The following PDK2 variants were observed in gnomAD, a reference collection of about 807,000 sequenced individuals.
PDK2 encodes the protein pyruvate dehydrogenase kinase, isozyme 2.
A neutral mutation model predicts 50.4 loss-of-function variants in PDK2; 34 were observed. That is an observed-to-expected ratio of 0.68 (90% CI 0.51 to 0.90). The LOEUF (loss-of-function observed/expected upper bound fraction) is 0.90. PDK2 is among the 40% of genes least tolerant of loss of function. The pLI is 0.00. For missense variants in PDK2, 377 were observed against 544.5 expected (o/e 0.69, Z 3.06); for synonymous variants, 232 against 216.0 (o/e 1.07, Z -0.65).
chr17:50,106,121 G>A (rs760249636), intron 4 of PDK2, 52 bp downstream of exon 4: 173 of 1,551,992 alleles, frequency 1.1e-4, no homozygotes, highest in Non-Finnish European at 1.5e-4. Flanking sequence ...GGCGGTGCTG[G>A]GGCCCAGGGC....
rs182475108 is a variant in PDK2 at position 50,102,479 on chromosome 17, G to A, written c.261-2892G>A. On this transcript the variant is annotated intron_variant, in intron 2 of 10. Transcript: ENST00000503176. ...CCACTGCCCAGCACAGTCAGGAAGT[G>A]GCTTAGCCTCCCAGCTCCCACCCGC... Among the ~76,000 whole-genome samples, 11 of 152,106 alleles carry A rather than the reference G, an allele frequency of 7.2e-5. No homozygotes were observed. The East Asian group carries it at 9.7e-4, about 13-fold the overall frequency.
rs1910844779 is a variant in PDK2 at position 50,111,528 on chromosome 17, AGGG to A, written c.*1432_*1434del. ...CAGCACAGATAGCAGAGGGGGGATA[AGGG>A]CTGAGTCCCAGGTACAGGGTGCTGG... On this transcript the variant is annotated 3_prime_UTR_variant, in exon 11 of 11. Coordinates refer to ENST00000503176, the MANE Select transcript of PDK2 (RefSeq NM_002611.5). 6.6e-6 allele frequency: 1 copy of A among 152,218 alleles called. No individual in the cohort carries two copies. Among genetic ancestry groups the A allele is most frequent in the East Asian group, 1.9e-4 (1 of 5,182 alleles). The allele number at this position is 152,218 out of a possible 1,614,324, so 9.4% of individuals were successfully genotyped here. A position where few individuals can be genotyped will look rare whatever the true frequency, so the allele number is the denominator to read the frequency against.
intron 2 of PDK2, among the ~76,000 whole-genome samples, chr17:50,100,500 AGT>A (rs1444128507): frequency 1.3e-5 from 2 of 152,216 alleles, no homozygotes; most frequent in African/African-American, 4.8e-5. Context: ...AGATGTGAAA[AGT>A]GTGCAGAACT....
chr17:50,110,110 A>T lies in PDK2; in HGVS notation c.*13A>T. The T allele has an allele frequency of 6.3e-7, 1 of 1,587,792 alleles. No individual in the cohort carries two copies. The highest frequency in any genetic ancestry group is 1.1e-5 in the South Asian group (1 of 88,434). On this transcript the variant is annotated 3_prime_UTR_variant, in exon 11 of 11. Transcript: ENST00000503176. ...CCGCGTCAGCTAAGGGCCGCCGTGC[A>T]TCTGCACCTGAGAGGACGGACTGCC...
chr17:50,097,684 C>T, intron 2 of PDK2, 120 bp downstream of exon 2: 2 of 1,219,198 alleles, frequency 1.6e-6, no homozygotes, highest in Admixed American at 2.1e-5. Context: ...ACAGGAGACA[C>T]CAAAGCCCCA....
At chr17:50,098,905 G>C (rs990717494) in intron 2 of PDK2, 1 of 152,264 alleles carries the variant, frequency 6.6e-6, no homozygotes, top group Admixed American at 6.5e-5. Flanking sequence ...GGAAGGGAAG[G>C]GCATTCCAGG....
chr17:50,108,312 T>G lies in PDK2; in HGVS notation c.763-7T>G, dbSNP rs750676740. ...CCCATGCATCTCTTACCTCTGCCCCTCCGCAGAATGCCATGAGGGCGACTG... is the reference window on the plus strand; with the variant it reads ...CCCATGCATCTCTTACCTCTGCCCCGCCGCAGAATGCCATGAGGGCGACTG... On this transcript the variant is annotated splice_polypyrimidine_tract_variant and splice_region_variant and intron_variant, in intron 7 of 10. Transcript: ENST00000503176. 2.5e-6 allele frequency: 4 copies of G among 1,613,030 alleles called. No individual in the cohort carries two copies. The East Asian group carries it at 8.9e-5, about 36-fold the overall frequency.
Position 50,109,362 on chromosome 17 carries a change from A to G in PDK2, c.1045A>G (p.Met349Val), listed in dbSNP as rs1910699520. The change falls in exon 10 of 11, where the codon ATG (methionine) becomes GTG (valine). Residue 349 changes from methionine to valine, a missense_variant. Physicochemically the swap from Met to Val is conservative, Grantham distance 21. Around this residue, in one of 3 missense-constraint regions of PDK2, gnomAD observed 214 missense variants for 294.0 expected, o/e 0.73. Coordinates refer to ENST00000503176, the MANE Select transcript of PDK2 (RefSeq NM_002611.5). This position sits in a 1 kb window ranked among gnomAD's most constrained non-coding sequence, Gnocchi z 5.0. The stretch of plus-strand genomic sequence containing the variant: ...CCAGGGAGACCTGCAGCTCTTCTCC[A>G]TGGAAGGCTTTGGGACCGATGCTGT... ...YFQGDLQLFS[M>V]EGFGTDAVIY... 2.5e-6 allele frequency: 4 copies of G among 1,613,466 alleles called. No homozygotes were observed. The highest frequency in any genetic ancestry group is 1.1e-5 in the South Asian group (1 of 91,030).
intron 2 of PDK2, among the ~76,000 whole-genome samples, chr17:50,103,854 TG>T (rs1260391213): frequency 6.6e-6 from 1 of 152,114 alleles, no homozygotes; most frequent in East Asian, 1.9e-4. Context: ...TTACTAGCTA[TG>T]GGGCTGCTTA....
chr17:50,109,280 G>A lies in PDK2; in HGVS notation c.970-7G>A, dbSNP rs201297813. On this transcript the variant is annotated splice_polypyrimidine_tract_variant and splice_region_variant and intron_variant, in intron 9 of 10. Transcript: ENST00000503176. The surrounding 1 kb of genome is among the most constrained non-coding windows in gnomAD (Gnocchi z 5.0). ...CTCATCCTCACTGCCTTCCTGCCCC[G>A]CTGCAGGCTGGCTTTGGTTATGGGC... 7.4e-5 allele frequency: 118 copies of A among 1,600,858 alleles called. 1 individual carries two copies. In the Admixed American group the frequency reaches 1.1e-3, roughly 15 times the overall value.
upstream of PDK2, chr17:50,094,809 T>C (rs187252027): frequency 3.8e-3 from 573 of 152,564 alleles, 1 homozygote; most frequent in Non-Finnish European, 5.1e-3. Flanking sequence ...CGTATAGGCT[T>C]GCACCCTGGT....
intron 2 of PDK2, among the ~76,000 whole-genome samples, chr17:50,104,966 T>C (rs1026676242): frequency 6.6e-6 from 1 of 152,290 alleles, no homozygotes; most frequent in African/African-American, 2.4e-5. Flanking sequence ...AGGAGCTGTT[T>C]CCACACTGGG....
chr17:50,110,110 A>G lies in PDK2; in HGVS notation c.*13A>G. The G allele has an allele frequency of 1.9e-6, 3 of 1,587,792 alleles. No homozygotes were observed. The highest frequency in any genetic ancestry group is 1.1e-5 in the South Asian group (1 of 88,434). On this transcript the variant is annotated 3_prime_UTR_variant, in exon 11 of 11. Transcript: ENST00000503176. ...CCGCGTCAGCTAAGGGCCGCCGTGC[A>G]TCTGCACCTGAGAGGACGGACTGCC... is the stretch of plus-strand genomic sequence containing the variant.
In PDK2 at chr17:50,105,649, C is replaced by T. The variant is rs546121252; in HGVS notation, c.332+207C>T. Reference sequence around the variant, plus strand: ...GACTCCATTCTCACTGTTCCCTGAGCCCGGTGGGCAAGACCCAGGCCCTGC... The same window carrying T: ...GACTCCATTCTCACTGTTCCCTGAGTCCGGTGGGCAAGACCCAGGCCCTGC... On this transcript the variant is annotated intron_variant, in intron 3 of 10. Coordinates refer to ENST00000503176, the MANE Select transcript of PDK2 (RefSeq NM_002611.5). 5.9e-5 allele frequency among the ~76,000 whole-genome samples: 9 copies of T among 152,308 alleles called. No individual in the cohort carries two copies. The South Asian group carries it at 1.9e-3, about 32-fold the overall frequency.
chr17:50,099,954 C>T (rs1351978014), intron 2 of PDK2, among the ~76,000 whole-genome samples: 2 of 152,194 alleles, frequency 1.3e-5, no homozygotes, highest in Non-Finnish European at 2.9e-5. Context: ...AAGGACTTCC[C>T]GACAGGGTTG....
intron 5 of PDK2, 78 bp downstream of exon 5, chr17:50,106,961 C>T (rs778589580): frequency 3.9e-5 from 57 of 1,473,866 alleles, no homozygotes; most frequent in Non-Finnish European, 4.8e-5. Flanking sequence ...GAGGGTGACT[C>T]GTTCCTCAGT....
Position 50,109,832 on chromosome 17 carries a change from CT to C in PDK2, c.1084-121del. On this transcript the variant is annotated intron_variant, in intron 10 of 10. Transcript: ENST00000503176. This position sits in a 1 kb window ranked among gnomAD's most constrained non-coding sequence, Gnocchi z 5.0. ...GGAGCGGGACACAGGAGGGACCACC[CT>C]TTTGTGGTCTTTCCAGGCCCCCGTG... is the stretch of plus-strand genomic sequence containing the variant. 9.2e-7 allele frequency: 1 copy of C among 1,081,216 alleles called. No homozygotes were observed. Among genetic ancestry groups the C allele is most frequent in the Non-Finnish European group, 1.3e-6 (1 of 778,078 alleles). 67.0% of individuals were successfully genotyped at this position (1,081,216 alleles called of 1,614,324 possible).
chr17:50,107,220 G>T, intron 6 of PDK2, 67 bp downstream of exon 6: 1 of 1,215,424 alleles, frequency 8.2e-7, no homozygotes, highest in South Asian at 1.2e-5. Context: ...AGGTGAGACG[G>T]GGAGTCAGGA....
Position 50,106,107 on chromosome 17 carries a change from G to T in PDK2, c.517+38G>T, listed in dbSNP as rs11237. ...CACAGCGGCGGGGAGCGGGCGGTGG[G>T]GGGGGCGGTGCTGGGGCCCAGGGCC... On this transcript the variant is annotated intron_variant, in intron 4 of 10. Transcript: ENST00000503176. 0.042 allele frequency: 65,268 copies of T among 1,559,372 alleles called. 1,622 individuals are homozygous for T. The highest frequency in any genetic ancestry group is 0.098 in the African/African-American group (7,214 of 73,868).
Sources: gnomAD v4.1 joint callset for allele counts (sites outside exome capture counted in the v4.1 genomes callset) on GRCh38, gnomAD v4.1.1 for gene constraint, gnomAD v4.1.1 regional missense constraint, Gnocchi (gnomAD v3.1) non-coding constraint, MANE v1.5 for transcripts, NCBI Gene and HGNC (gene_info 2026-07-23, HGNC 2026-07-21) for gene names.